The following ACTR3C variants were observed in gnomAD, a reference collection of about 807,000 sequenced individuals.
The protein encoded by ACTR3C is actin related protein 3C, also known as actin-related protein 3C.
A neutral mutation model predicts 26.3 loss-of-function variants in ACTR3C; 18 were observed. That is an observed-to-expected ratio of 0.68 (90% confidence interval 0.47 to 1.01). The LOEUF (loss-of-function observed/expected upper bound fraction) is 1.01. ACTR3C is among the 50% of genes least tolerant of loss of function. The pLI, the probability that ACTR3C is intolerant of heterozygous loss-of-function variation, is 0.00. For missense variants in ACTR3C, 184 were observed against 250.7 expected (o/e 0.73, Z 1.80); for synonymous variants, 55 against 94.5 (o/e 0.58, Z 2.42).
chr7:149,998,525 T>C, the ACTR3C span, among the ~76,000 whole-genome samples: 3 of 147,584 alleles, frequency 2.0e-5, no homozygotes, highest in Admixed American at 6.8e-5. Context: ...GAAGGAAACA[T>C]GTCCTTCACA....
At chr7:150,125,165 C>T in the ACTR3C span, among the ~76,000 whole-genome samples, 3 of 151,174 alleles carry the variant, frequency 2.0e-5, no homozygotes, top group South Asian at 2.1e-4. Flanking sequence ...AAAGTAATAA[C>T]GTTCTTATTT....
At chr7:150,272,560 C>T (rs2311359) in intron 6 of ACTR3C, among the ~76,000 whole-genome samples, 13 of 139,342 alleles carry the variant, frequency 9.3e-5, no homozygotes, top group Admixed American at 7.5e-4. Flanking sequence ...AAAAGAGAAA[C>T]GTGAAATTAC....
At chr7:150,076,125 C>T in the ACTR3C span, among the ~76,000 whole-genome samples, 1 of 151,858 alleles carries the variant, frequency 6.6e-6, no homozygotes, top group South Asian at 2.1e-4. Flanking sequence ...TCAAAGGCAT[C>T]CCTTGAAACC....
chr7:150,293,447 C>G (rs1257051240), intron 2 of ACTR3C, 28 bp from the exon 3 acceptor site: 19 of 1,539,250 alleles, frequency 1.2e-5, no homozygotes, highest in Non-Finnish European at 1.7e-5. Flanking sequence ...AAACCGCTCG[C>G]ACATAGGAAC....
chr7:150,104,365 GA>G, the ACTR3C span, among the ~76,000 whole-genome samples: 1 of 152,100 alleles, frequency 6.6e-6, no homozygotes, highest in East Asian at 1.9e-4. Context: ...AAACCTCCAA[GA>G]AATAATAATT....
the ACTR3C span, among the ~76,000 whole-genome samples, chr7:149,887,834 T>C: frequency 0.7 from 106,024 of 152,068 alleles, 37,384 homozygotes; most frequent in South Asian, 0.8. Context: ...ATGCTATTCT[T>C]GTGATAGTGA....
the ACTR3C span, among the ~76,000 whole-genome samples, chr7:149,958,754 A>G: frequency 1.3e-5 from 2 of 152,242 alleles, no homozygotes; most frequent in African/African-American, 4.8e-5. Context: ...AGTCAAGTCC[A>G]CATATTTTCT....
chr7:150,181,342 C>T, the ACTR3C span, among the ~76,000 whole-genome samples: 44 of 149,750 alleles, frequency 2.9e-4, 1 homozygote, highest in Admixed American at 1.6e-3. Context: ...TTCTACTATT[C>T]GACTGAAGAT....
chr7:150,312,783 A>G (rs1796440170), intron 1 of ACTR3C, among the ~76,000 whole-genome samples: 1 of 152,210 alleles, frequency 6.6e-6, no homozygotes, highest in Non-Finnish European at 1.5e-5. Flanking sequence ...ATCTTTTCTT[A>G]TAACTTTATA....
At chr7:150,118,740 C>T in the ACTR3C span, among the ~76,000 whole-genome samples, 2 of 140,780 alleles carry the variant, frequency 1.4e-5, no homozygotes, top group Non-Finnish European at 3.1e-5. Context: ...GAGAACACCA[C>T]AAAGATTCTC....
At chr7:150,176,070 A>G in the ACTR3C span, among the ~76,000 whole-genome samples, 2 of 150,706 alleles carry the variant, frequency 1.3e-5, no homozygotes, top group African/African-American at 2.5e-5. Flanking sequence ...TTAGTATACT[A>G]CGTTAAGAGT....
At chr7:149,903,905 TTGTTG>T in the ACTR3C span, among the ~76,000 whole-genome samples, 4,427 of 70,540 alleles carry the variant, frequency 0.063, 351 homozygotes, top group African/African-American at 0.14. Context: ...TTGTTGCTGG[TTGTTG>T]TTGTTGTTGT....
At chr7:150,282,357 G>A (rs1422204294) in intron 6 of ACTR3C, among the ~76,000 whole-genome samples, 1 of 152,144 alleles carries the variant, frequency 6.6e-6, no homozygotes, top group Admixed American at 6.5e-5. Flanking sequence ...CTGAGATTTT[G>A]GATTAATTTT....
At chr7:150,319,093 C>T (rs2129617544) in intron 1 of ACTR3C, among the ~76,000 whole-genome samples, 1 of 152,200 alleles carries the variant, frequency 6.6e-6, no homozygotes, top group South Asian at 2.1e-4. Flanking sequence ...CAAGTCTTGT[C>T]AATTTAGGCA....
At chr7:150,281,060 C>G (rs1247329701) in intron 6 of ACTR3C, among the ~76,000 whole-genome samples, 4 of 151,990 alleles carry the variant, frequency 2.6e-5, no homozygotes, top group Non-Finnish European at 5.9e-5. Flanking sequence ...CACAGCTGAC[C>G]AAATGAGGCT....
At chr7:150,321,464 G>C (rs1435237717) in intron 1 of ACTR3C, among the ~76,000 whole-genome samples, 1 of 152,188 alleles carries the variant, frequency 6.6e-6, no homozygotes, top group African/African-American at 2.4e-5. Flanking sequence ...ATATGGCTGG[G>C]CAGGGTGGCA....
rs188358225 is a variant in ACTR3C, at chr7:150,264,273, C to A, written c.565-15219G>T. Among the ~76,000 whole-genome samples, 3 of 152,220 alleles carry A rather than the reference C, an allele frequency of 2.0e-5. 1 individual carries two copies. The highest frequency in any genetic ancestry group is 4.1e-4 in the South Asian group (2 of 4,834). On this transcript the variant is annotated intron_variant, in intron 6 of 7. Transcript: ENST00000683684. ...TGAGCTCCAAGTGTCCAGCTCAGCA[C>A]GGAATAGAGCTCCTTGCGGTCAGCA...
intron 6 of ACTR3C, among the ~76,000 whole-genome samples, chr7:150,278,551 C>T (rs966942786): frequency 2.0e-5 from 3 of 152,226 alleles, no homozygotes; most frequent in African/African-American, 2.4e-5. Context: ...TGGGACCTGG[C>T]GCTCTGCAGG....
chr7:149,951,416 G>C, the ACTR3C span, among the ~76,000 whole-genome samples: 1 of 147,560 alleles, frequency 6.8e-6, no homozygotes, highest in Non-Finnish European at 1.5e-5. Context: ...CACAGCTCAG[G>C]GACCCAAGAG....
Sources: allele counts gnomAD v4.1 joint callset (sites outside exome capture counted in the v4.1 genomes callset), GRCh38; gene constraint gnomAD v4.1.1; transcripts MANE v1.5; gene names NCBI Gene and HGNC (gene_info 2026-07-23, HGNC 2026-07-21).